CFHR4: variants seen among roughly 807,000 people sequenced by gnomAD.
CFHR4 encodes complement factor H related 4, also known as complement factor H-related protein 4.
CFHR4 carries 64 observed loss-of-function variants against 69.3 expected under a neutral mutation model. That is an observed-to-expected ratio of 0.92 (90% confidence interval 0.76 to 1.14). The LOEUF is 1.14. Ranked by LOEUF, CFHR4 falls within the 50% of genes most tolerant of loss-of-function variation. The pLI, the probability that CFHR4 is intolerant of heterozygous loss-of-function variation, is 0.00. For synonymous variants in CFHR4, 244 were observed against 237.0 expected (o/e 1.03, Z -0.27); for missense variants, 636 against 684.9 (o/e 0.93, Z 0.80).
chr1:196,910,290 C>G lies in CFHR4; in HGVS notation c.809C>G (p.Pro270Arg). ...TGTTTTTTGTTACAAGCAATGAAAC[C>G]TTGTGAGTTTCCAGAAATTCAACAT... is the stretch of plus-strand genomic sequence containing the variant. The part of the protein sequence containing the change: ...SEPPRCISMK[P>R]CEFPEIQHGH... Residue 270 changes from proline (P) to arginine (R), a missense_variant, in exon 6 of 10, where the codon CCT becomes CGT. Physicochemically the swap from Pro to Arg is moderately radical, Grantham distance 103. This residue lies in a region of CFHR4 where 529 missense variants were observed against 533.2 expected (regional missense o/e 0.99). Coordinates refer to ENST00000608469, the MANE Select transcript of CFHR4 (RefSeq NM_001201550.3). 1.3e-6 allele frequency: 2 copies of G among 1,588,908 alleles called. No individual in the cohort carries two copies. The highest frequency in any genetic ancestry group is 1.7e-6 in the Non-Finnish European group (2 of 1,165,312).
rs1165647867 is a variant in CFHR4 at position 196,907,518 on chromosome 1, G to T, written c.799+20G>T. ...GCATATGTAAGTTCTTAATATTCTG[G>T]ATCTGAGAAAATTAGAGTAATAACT... On this transcript the variant is annotated intron_variant, in intron 5 of 9. Coordinates refer to ENST00000608469, the MANE Select transcript of CFHR4 (RefSeq NM_001201550.3). The T allele has an allele frequency of 6.3e-7, 1 of 1,584,754 alleles. No individual in the cohort carries two copies. The highest frequency in any genetic ancestry group is 1.4e-5 in the African/African-American group (1 of 72,966).
In CFHR4 at chr1:196,918,192, T is replaced by C. The variant is rs1558254896; in HGVS notation, c.1541-18T>C. The C allele has an allele frequency of 3.8e-6, 6 of 1,598,102 alleles. No homozygotes were observed. The highest frequency in any genetic ancestry group is 5.1e-6 in the Non-Finnish European group (6 of 1,170,004). On this transcript the variant is annotated intron_variant, in intron 9 of 9. Transcript: ENST00000608469. Reference sequence around the variant, plus strand: ...AGGCAAGATTATGATTGTTAATTGTTTCTTTTTCTGCTTTCAGATCCATGT... The same window carrying C: ...AGGCAAGATTATGATTGTTAATTGTCTCTTTTTCTGCTTTCAGATCCATGT...
intron 5 of CFHR4, 104 bp from the exon 6 acceptor site, chr1:196,910,177 A>C (rs1267929514): frequency 1.3e-6 from 1 of 754,450 alleles, no homozygotes; most frequent in East Asian, 2.9e-5. Context: ...TAAAGAAAAA[A>C]AAAAACATTA....
At chr1:196,890,105 T>G (rs1656941025) in intron 1 of CFHR4, among the ~76,000 whole-genome samples, 1 of 151,466 alleles carries the variant, frequency 6.6e-6, no homozygotes, top group South Asian at 2.1e-4. Flanking sequence ...TTAAAATAAT[T>G]TTTTACTCTT....
chr1:196,907,121 A>C, intron 4 of CFHR4, 84 bp downstream of exon 4: 76 of 1,202,256 alleles, frequency 6.3e-5, no homozygotes, highest in Non-Finnish European at 8.3e-5. Context: ...TATGTGTATG[A>C]ATACATATGT....
At chr1:196,895,471 CT>C (rs1657248283) in intron 1 of CFHR4, among the ~76,000 whole-genome samples, 1 of 151,380 alleles carries the variant, frequency 6.6e-6, no homozygotes, top group South Asian at 2.1e-4. Context: ...ACTTTAATTT[CT>C]TTTTCTGTTA....
chr1:196,906,431 G>C (rs886571378), intron 3 of CFHR4, among the ~76,000 whole-genome samples: 4 of 151,368 alleles, frequency 2.6e-5, no homozygotes, highest in African/African-American at 9.8e-5. Flanking sequence ...TTTATAGAAC[G>C]TATATCCAAT....
intron 1 of CFHR4, among the ~76,000 whole-genome samples, chr1:196,892,351 A>T (rs557767537): frequency 6.6e-6 from 1 of 151,690 alleles, no homozygotes; most frequent in African/African-American, 2.4e-5. Flanking sequence ...CTGTAATCCC[A>T]GAAGAAAATG....
chr1:196,917,704 T>C (rs1417665045), intron 9 of CFHR4, among the ~76,000 whole-genome samples: 2 of 151,570 alleles, frequency 1.3e-5, no homozygotes, highest in Non-Finnish European at 2.9e-5. Context: ...AGAGTTTTAT[T>C]TTAATAGATG....
intron 2 of CFHR4, among the ~76,000 whole-genome samples, chr1:196,903,317 T>C (rs914145350): frequency 6.6e-6 from 1 of 151,298 alleles, no homozygotes; most frequent in African/African-American, 2.4e-5. Context: ...TTCTGGATAA[T>C]TAGTGGATTC....
intron 1 of CFHR4, among the ~76,000 whole-genome samples, chr1:196,894,302 T>G (rs1657178307): frequency 6.6e-6 from 1 of 151,616 alleles, no homozygotes; most frequent in Admixed American, 6.6e-5. Flanking sequence ...TTCACTGGTC[T>G]CTTAAATCAT....
At chr1:196,911,163 T>C (rs997279332) in intron 6 of CFHR4, among the ~76,000 whole-genome samples, 1 of 151,598 alleles carries the variant, frequency 6.6e-6, no homozygotes, top group African/African-American at 2.4e-5. Context: ...ATTTTGTATA[T>C]CAACTCTCAA....
chr1:196,904,824 A>G (rs1482294377), intron 2 of CFHR4, among the ~76,000 whole-genome samples: 1 of 151,594 alleles, frequency 6.6e-6, no homozygotes, highest in Non-Finnish European at 1.5e-5. Flanking sequence ...AACTCTTCCA[A>G]ATAATTATAG....
Position 196,888,081 on chromosome 1 carries a change from A to C in CFHR4, c.-70A>C, listed in dbSNP as rs1656820642. On this transcript the variant is annotated 5_prime_UTR_variant, in exon 1 of 10. The change abolishes an upstream ATG in the 5' untranslated region. Transcript: ENST00000608469. Reference sequence around the variant, plus strand: ...TCAGAATCACACTTGGTAACTAATAATGAAAGATTTCAAACCCCAAACAGT... The same window carrying C: ...TCAGAATCACACTTGGTAACTAATACTGAAAGATTTCAAACCCCAAACAGT... The C allele has an allele frequency of 6.7e-7, 1 of 1,489,822 alleles. No individual in the cohort carries two copies. The allele number at this position is 1,489,822 out of a possible 1,614,324, so 92.3% of individuals were successfully genotyped here.
At chr1:196,908,403 A>T (rs1470188853) in intron 5 of CFHR4, among the ~76,000 whole-genome samples, 1 of 151,532 alleles carries the variant, frequency 6.6e-6, no homozygotes, top group African/African-American at 2.4e-5. Context: ...TCTTTCTCTG[A>T]TTATTGTTTT....
chr1:196,915,412 C>A (rs1658548432), intron 9 of CFHR4, among the ~76,000 whole-genome samples: 1 of 151,342 alleles, frequency 6.6e-6, no homozygotes, highest in East Asian at 1.9e-4. Flanking sequence ...CCGAGGCAGG[C>A]AGATCACGAG....
rs767076488 is a variant in CFHR4, at chr1:196,918,303, C to A, written c.1634C>A (p.Thr545Asn). The A allele has an allele frequency of 6.2e-7, 1 of 1,610,106 alleles. No homozygotes were observed. Among genetic ancestry groups the A allele is most frequent in the East Asian group, 2.2e-5 (1 of 44,676 alleles). Reference protein sequence around the residue: ...DIKYYAKTGDTIEFMCKLGYN... With the variant: ...DIKYYAKTGDNIEFMCKLGYN... ...AAATATTATGCAAAAACAGGGGATA[C>A]CATTGAATTTATGTGTAAATTGGGA... is the stretch of plus-strand genomic sequence containing the variant. Residue 545 changes from threonine to asparagine, a missense_variant, in exon 10 of 10, where the codon ACC becomes AAC. Thr to Asn is a moderately conservative substitution (Grantham distance 65). Coordinates refer to ENST00000608469, the MANE Select transcript of CFHR4 (RefSeq NM_001201550.3).
chr1:196,901,649 T>C (rs1657613270), intron 1 of CFHR4, among the ~76,000 whole-genome samples: 1 of 151,328 alleles, frequency 6.6e-6, no homozygotes, highest in African/African-American at 2.4e-5. Context: ...TGGAAACTTT[T>C]TTTGGAAATA....
At chr1:196,889,725 T>C (rs1656917066) in intron 1 of CFHR4, among the ~76,000 whole-genome samples, 1 of 151,444 alleles carries the variant, frequency 6.6e-6, no homozygotes, top group Non-Finnish European at 1.5e-5. Context: ...CAAAATTTAT[T>C]TGTAAAAGTC....
Sources: gnomAD v4.1 joint callset for allele counts (sites outside exome capture counted in the v4.1 genomes callset) on GRCh38, gnomAD v4.1.1 for gene constraint, gnomAD v4.1.1 regional missense constraint, MANE v1.5 for transcripts, NCBI Gene and HGNC (gene_info 2026-07-23, HGNC 2026-07-21) for gene names.